FAM53B: variants seen among roughly 807,000 people sequenced by gnomAD.
FAM53B encodes protein FAM53B.
Under a neutral mutation model 32.7 loss-of-function variants are expected in FAM53B, and 12 were observed. The ratio of observed to expected loss-of-function variants is 0.37; its 90% CI spans 0.24 to 0.59. The LOEUF is 0.59. FAM53B is among the 20% of genes least tolerant of loss of function. FAM53B has a pLI of 0.72. For missense variants in FAM53B, 477 were observed against 577.7 expected (o/e 0.83, Z 1.79); for synonymous variants, 234 against 228.7 (o/e 1.02, Z -0.21).
At chr10:124,661,056 TAAAAA>T (rs57830542) in intron 4 of FAM53B, among the ~76,000 whole-genome samples, 23 of 130,492 alleles carry the variant, frequency 1.8e-4, no homozygotes, top group South Asian at 2.5e-4. Flanking sequence ...CTACTGAAAT[TAAAAA>T]AAAAAAAAAA....
At chr10:124,703,994 C>T (rs2134083289) in intron 2 of FAM53B, 1 of 152,604 alleles carries the variant, frequency 6.6e-6, no homozygotes, top group African/African-American at 2.4e-5. Context: ...ACCTTGGGCC[C>T]ACATGTCCTG....
chr10:124,630,438 G>A (rs193136182), intron 4 of FAM53B, among the ~76,000 whole-genome samples: 1 of 152,280 alleles, frequency 6.6e-6, no homozygotes, highest in Non-Finnish European at 1.5e-5. Flanking sequence ...GCGGGGGACA[G>A]CATCATGCCC....
rs1340169479 is a variant in FAM53B at position 124,623,092 on chromosome 10, A to C, written c.*150T>G. 9.7e-7 allele frequency: 1 copy of C among 1,030,126 alleles called. No homozygotes were observed. The highest frequency in any genetic ancestry group is 2.5e-5 in the East Asian group (1 of 39,470). 63.8% of individuals were successfully genotyped at this position (1,030,126 alleles called of 1,614,324 possible). On this transcript the variant is annotated 3_prime_UTR_variant, in exon 5 of 5. Coordinates refer to ENST00000337318, the MANE Select transcript of FAM53B (RefSeq NM_014661.4). The stretch of plus-strand genomic sequence containing the variant: ...GGCCAGGCCAGGCTCTCCCCCAGGC[A>C]GCAGGTGGGCTCCCTCTCTGGGACC...
rs1190727317 is a variant in FAM53B at position 124,623,190 on chromosome 10, G to A, written c.*52C>T. 2.6e-6 allele frequency: 4 copies of A among 1,524,788 alleles called. No homozygotes were observed. Among genetic ancestry groups the A allele is most frequent in the Middle Eastern group, 1.8e-4 (1 of 5,626 alleles). 94.5% of individuals were successfully genotyped at this position (1,524,788 alleles called of 1,614,324 possible). A position where few individuals can be genotyped will look rare whatever the true frequency, so the allele number is the denominator to read the frequency against. On this transcript the variant is annotated 3_prime_UTR_variant, in exon 5 of 5. Transcript: ENST00000337318. ...TTCAAGGGCCCACCTAGTGCCCAGA[G>A]TGGGGGCTGTCGATGCCAGCACACC... is the stretch of plus-strand genomic sequence containing the variant.
chr10:124,691,153 C>T (rs2134074434), intron 3 of FAM53B, among the ~76,000 whole-genome samples: 1 of 152,348 alleles, frequency 6.6e-6, no homozygotes, highest in Non-Finnish European at 1.5e-5. Flanking sequence ...AAAGCAAAAT[C>T]TCTTAGTCCT....
At chr10:124,650,967 C>T (rs564109387) in intron 4 of FAM53B, among the ~76,000 whole-genome samples, 1 of 152,010 alleles carries the variant, frequency 6.6e-6, no homozygotes, top group Non-Finnish European at 1.5e-5. Flanking sequence ...GACTCACGGG[C>T]GCTGAGTCAC....
At chr10:124,632,006 G>A (rs992702052) in intron 4 of FAM53B, among the ~76,000 whole-genome samples, 2 of 152,150 alleles carry the variant, frequency 1.3e-5, no homozygotes, top group African/African-American at 2.4e-5. Context: ...CCACCCGGTC[G>A]GCCCTCCCAA....
At chr10:124,689,160 T>G (rs1473222619) in intron 3 of FAM53B, among the ~76,000 whole-genome samples, 1 of 152,204 alleles carries the variant, frequency 6.6e-6, no homozygotes, top group Admixed American at 6.5e-5. Flanking sequence ...AAAGATTCTA[T>G]GCTTGGTTTG....
chr10:124,740,905 C>T (rs1277226360), intron 1 of FAM53B, among the ~76,000 whole-genome samples: 1 of 152,172 alleles, frequency 6.6e-6, no homozygotes, highest in African/African-American at 2.4e-5. Context: ...CCGCCAGCTC[C>T]GGCCATGTGC....
intron 3 of FAM53B, among the ~76,000 whole-genome samples, chr10:124,693,524 G>A (rs374725518): frequency 2.6e-5 from 4 of 151,970 alleles, no homozygotes; most frequent in Admixed American, 6.6e-5. Context: ...CTGCCTGGGT[G>A]GAGTGCACTC....
At chr10:124,743,153 G>C (rs577409294) in intron 1 of FAM53B, among the ~76,000 whole-genome samples, 2 of 150,914 alleles carry the variant, frequency 1.3e-5, no homozygotes, top group African/African-American at 4.9e-5. Flanking sequence ...GGGACAAGGT[G>C]GGGGGGCGGG....
intron 4 of FAM53B, among the ~76,000 whole-genome samples, chr10:124,664,763 G>A (rs921051527): frequency 6.6e-6 from 1 of 152,220 alleles, no homozygotes; most frequent in Non-Finnish European, 1.5e-5. Flanking sequence ...TGTAGGCACT[G>A]CTTTTACCCA....
chr10:124,729,891 G>A (rs759929747), intron 1 of FAM53B, among the ~76,000 whole-genome samples: 3 of 152,188 alleles, frequency 2.0e-5, no homozygotes, highest in Non-Finnish European at 4.4e-5. Context: ...TCACCCCTCA[G>A]AATGACTCTG....
rs558039620 is a variant in FAM53B, at chr10:124,652,919, G to A, written c.906+28688C>T. ...CAGGCAGACGACGCCCTGTGTTGGT[G>A]TGTGCTCGACCAATCAAAGGAGCTG... On this transcript the variant is annotated intron_variant, in intron 4 of 4. Transcript: ENST00000337318. Among the ~76,000 whole-genome samples, 38 of 152,312 alleles carry A rather than the reference G, an allele frequency of 2.5e-4. No individual in the cohort carries two copies. The South Asian group carries it at 7.3e-3, about 29-fold the overall frequency.
intron 1 of FAM53B, among the ~76,000 whole-genome samples, chr10:124,725,507 A>G (rs1950095895): frequency 6.6e-6 from 1 of 152,236 alleles, no homozygotes; most frequent in Non-Finnish European, 1.5e-5. Context: ...AGCTTCATGA[A>G]GCATTCCCGA....
At chr10:124,673,683 G>A (rs1949720427) in intron 4 of FAM53B, among the ~76,000 whole-genome samples, 1 of 152,084 alleles carries the variant, frequency 6.6e-6, no homozygotes, top group Admixed American at 6.5e-5. Context: ...ATCTCCATAT[G>A]ACACAAAACT....
chr10:124,653,136 G>T (rs1030296753), intron 4 of FAM53B, among the ~76,000 whole-genome samples: 3 of 152,196 alleles, frequency 2.0e-5, no homozygotes, highest in African/African-American at 7.2e-5. Flanking sequence ...CACCTCATGT[G>T]CCCCAATGAC....
In FAM53B at chr10:124,673,084, T is replaced by C. The variant is rs534342921; in HGVS notation, c.906+8523A>G. Among the ~76,000 whole-genome samples, 31 of 152,250 alleles carry C rather than the reference T, an allele frequency of 2.0e-4. No individual in the cohort carries two copies. The South Asian group carries it at 6.2e-3, about 31-fold the overall frequency. On this transcript the variant is annotated intron_variant, in intron 4 of 4. Coordinates refer to ENST00000337318, the MANE Select transcript of FAM53B (RefSeq NM_014661.4). ...ACTAGGGTGAGTTGGAAGCCAGCCCTGCTGCTTTCACCTCGAGAACATTTC... is the reference window on the plus strand; with the variant it reads ...ACTAGGGTGAGTTGGAAGCCAGCCCCGCTGCTTTCACCTCGAGAACATTTC...
At chr10:124,671,768 A>G (rs1273250677) in intron 4 of FAM53B, among the ~76,000 whole-genome samples, 1 of 151,966 alleles carries the variant, frequency 6.6e-6, no homozygotes, top group East Asian at 1.9e-4. Flanking sequence ...TTTGTTTTCC[A>G]AGAGTTTTTT....
Sources: gnomAD v4.1 joint callset for allele counts (sites outside exome capture counted in the v4.1 genomes callset) on GRCh38, gnomAD v4.1.1 for gene constraint, MANE v1.5 for transcripts, NCBI Gene and HGNC (gene_info 2026-07-23, HGNC 2026-07-21) for gene names.